AGAP3: variants seen among roughly 807,000 people sequenced by gnomAD.
AGAP3 encodes ArfGAP with GTPase domain, ankyrin repeat and PH domain 3.
Under a neutral mutation model 96.9 loss-of-function variants are expected in AGAP3, and 24 were observed. The ratio of observed to expected loss-of-function variants is 0.25; its 90% CI spans 0.18 to 0.35. AGAP3 has a LOEUF of 0.35. AGAP3 is among the 10% of genes least tolerant of loss of function. The probability of loss-of-function intolerance (pLI) is 1.00; values close to 1 mark genes in which losing one functional copy is unlikely to be tolerated. For missense variants in AGAP3, 876 were observed against 1,254.2 expected, an observed-to-expected ratio of 0.70 and a Z score of 4.55; for synonymous variants, 563 against 536.1, an observed-to-expected ratio of 1.05 and a Z score of -0.69.
rs201136006 is a variant in AGAP3 at position 151,134,390 on chromosome 7, C to T, written c.1327-10C>T. ...CCAGTCTTCATCTGTCTCTCCCACC[C>T]GGCCTGCAGGATTACATGCAGAACA... On this transcript the variant is annotated splice_polypyrimidine_tract_variant and intron_variant, in intron 10 of 17. Coordinates refer to ENST00000397238, the MANE Select transcript of AGAP3 (RefSeq NM_031946.7). The T allele has an allele frequency of 9.7e-5, 156 of 1,613,448 alleles. 1 individual carries two copies. In the East Asian group the frequency reaches 3.0e-3, roughly 31 times the overall value.
At position 151,141,801 on chromosome 7, in the gene AGAP3, C is replaced by A. The variant is rs1330985768; in HGVS notation, c.1805-97C>A. On this transcript the variant is annotated intron_variant, in intron 13 of 17. Coordinates refer to ENST00000397238, the MANE Select transcript of AGAP3 (RefSeq NM_031946.7). This position sits in a 1 kb window ranked among gnomAD's most constrained non-coding sequence, Gnocchi z 4.2. ...GGAAGGGTCTAGGGGAGGACACTTG[C>A]CAGTGGAGCAGGGTAGTGAGTGGAG... is the stretch of plus-strand genomic sequence containing the variant. The A allele has an allele frequency of 6.6e-7, 1 of 1,520,154 alleles. No individual in the cohort carries two copies. The highest frequency in any genetic ancestry group is 1.1e-5 in the South Asian group (1 of 87,410). 94.2% of individuals were successfully genotyped at this position (1,520,154 alleles called of 1,614,324 possible).
rs371828699 is a variant in AGAP3, at chr7:151,135,287, A to G, written c.1495+719A>G. 1.2e-4 allele frequency among the ~76,000 whole-genome samples: 18 copies of G among 152,192 alleles called. No individual in the cohort carries two copies. The East Asian group carries it at 3.3e-3, about 28-fold the overall frequency. ...AGTATCCCCAGTGTTGTCCTAGACC[A>G]TTGGATCTCATGTTCCCTGGGCCCA... On this transcript the variant is annotated intron_variant, in intron 11 of 17. Coordinates refer to ENST00000397238, the MANE Select transcript of AGAP3 (RefSeq NM_031946.7).
chr7:151,093,948 C>T (rs977069646), intron 1 of AGAP3, among the ~76,000 whole-genome samples: 5 of 152,172 alleles, frequency 3.3e-5, no homozygotes, highest in African/African-American at 9.7e-5. Context: ...TCTTGTCTGT[C>T]AAGTGAGCAC....
intron 7 of AGAP3, chr7:151,119,164 G>A (rs374521429): frequency 2.9e-4 from 52 of 176,778 alleles, no homozygotes; most frequent in East Asian, 1.8e-3. Flanking sequence ...CGACACCGAC[G>A]GAGTGGGGCT....
Position 151,118,206 on chromosome 7 carries a change from A to G in AGAP3, c.707-4A>G. 2 of 1,604,592 alleles carry G rather than the reference A, an allele frequency of 1.2e-6. No homozygotes were observed. The highest frequency in any genetic ancestry group is 1.7e-6 in the Non-Finnish European group (2 of 1,173,156). ...AATGACTCCCGCCCTCCCACCTCCA[A>G]CAGATGCCATCAGCGCTGCGAATCC... On this transcript the variant is annotated splice_polypyrimidine_tract_variant and splice_region_variant and intron_variant, in intron 5 of 17. Coordinates refer to ENST00000397238, the MANE Select transcript of AGAP3 (RefSeq NM_031946.7). The surrounding 1 kb of genome is among the most constrained non-coding windows in gnomAD (Gnocchi z 6.1).
At chr7:151,113,134 AG>A (rs889510791) in intron 1 of AGAP3, among the ~76,000 whole-genome samples, 44 of 152,288 alleles carry the variant, frequency 2.9e-4, no homozygotes, top group African/African-American at 1.0e-3. Context: ...GAGAGAGGGC[AG>A]ATACACGTAG....
intron 9 of AGAP3, among the ~76,000 whole-genome samples, chr7:151,125,616 C>G (rs1044881022): frequency 2.6e-5 from 4 of 151,774 alleles, no homozygotes; most frequent in Non-Finnish European, 5.9e-5. Context: ...GGGGCGCGTC[C>G]GTTCTCTTCT....
chr7:151,113,643 C>T (rs977769209), intron 1 of AGAP3, among the ~76,000 whole-genome samples: 6 of 152,232 alleles, frequency 3.9e-5, no homozygotes, highest in Admixed American at 3.9e-4. Context: ...CTTGCCACTA[C>T]TTAAACTGGT....
At position 151,142,847 on chromosome 7, in the gene AGAP3, A is replaced by G. The variant is rs1800873328; in HGVS notation, c.2273+213A>G. Among the ~76,000 whole-genome samples, 1 of 152,216 alleles carries G rather than the reference A, an allele frequency of 6.6e-6. No individual in the cohort carries two copies. Among genetic ancestry groups the G allele is most frequent in the South Asian group, 2.1e-4 (1 of 4,830 alleles). Reference sequence around the variant, plus strand: ...CGGGCCCTTTCTGAGCGTTATCAGCAGGTCAGGGGCCAGCAGGAGGCGCAT... The same window carrying G: ...CGGGCCCTTTCTGAGCGTTATCAGCGGGTCAGGGGCCAGCAGGAGGCGCAT... On this transcript the variant is annotated intron_variant, in intron 16 of 17. Transcript: ENST00000397238. This position sits in a 1 kb window ranked among gnomAD's most constrained non-coding sequence, Gnocchi z 7.5.
At position 151,143,560 on chromosome 7, in the gene AGAP3, C is replaced by T; in HGVS notation, c.2493C>T (p.Ala831=). 6.2e-7 allele frequency: 1 copy of T among 1,610,662 alleles called. No individual in the cohort carries two copies. ...DGRTALHLSS[A]MANVVFTQLL... ...GGACGGCTCTACATCTCTCCAGTGC[C>T]ATGGCCAACGTTGTCTTCACGCAGC... The change falls in exon 17 of 18, where the codon GCC becomes GCT. Residue 831 remains alanine, a synonymous_variant. Transcript: ENST00000397238. This position sits in a 1 kb window ranked among gnomAD's most constrained non-coding sequence, Gnocchi z 5.9.
Position 151,114,628 on chromosome 7 carries a change from C to T in AGAP3, c.332-2165C>T. ...TCTCCAGGTCTGGGCTTGCCGGCCG[C>T]GAGGTGGAGGAGTTGAGGGACTCGG... is the stretch of plus-strand genomic sequence containing the variant. On this transcript the variant is annotated intron_variant, in intron 1 of 17. Coordinates refer to ENST00000397238, the MANE Select transcript of AGAP3 (RefSeq NM_031946.7). The surrounding 1 kb of genome is among the most constrained non-coding windows in gnomAD (Gnocchi z 4.4). The T allele has an allele frequency of 5.0e-6, 4 of 799,716 alleles. No homozygotes were observed. The highest frequency in any genetic ancestry group is 6.1e-6 in the Non-Finnish European group (4 of 658,668). The allele number at this position is 799,716 out of a possible 1,614,324, so 49.5% of individuals were successfully genotyped here.
intron 9 of AGAP3, among the ~76,000 whole-genome samples, chr7:151,125,309 G>C (rs1199129765): frequency 6.6e-6 from 1 of 152,214 alleles, no homozygotes; most frequent in Non-Finnish European, 1.5e-5. Context: ...TGGTCGTCAG[G>C]GGCTGACTTA....
At chr7:151,138,931 C>T (rs1392536129) in intron 12 of AGAP3, among the ~76,000 whole-genome samples, 1 of 152,180 alleles carries the variant, frequency 6.6e-6, no homozygotes, top group Non-Finnish European at 1.5e-5. Flanking sequence ...CTCCCGTCTG[C>T]CCCTTCCACC....
intron 10 of AGAP3, among the ~76,000 whole-genome samples, chr7:151,129,489 G>A (rs1294990974): frequency 1.3e-5 from 2 of 152,112 alleles, no homozygotes; most frequent in Admixed American, 6.5e-5. Context: ...GAGAAAACTC[G>A]CAGAGAAGGC....
chr7:151,119,826 C>T (rs1012556390), intron 7 of AGAP3, among the ~76,000 whole-genome samples, 161 bp from the exon 8 acceptor site: 2 of 152,188 alleles, frequency 1.3e-5, no homozygotes, highest in African/African-American at 4.8e-5. Context: ...GCCTCCAGGC[C>T]AGGTGAATGT....
chr7:151,087,308 A>T, intron 1 of AGAP3: 2 of 545,752 alleles, frequency 3.7e-6, no homozygotes, highest in East Asian at 3.2e-5. Flanking sequence ...CAGGGCGCGA[A>T]GGTGGTGTCG....
Position 151,096,694 on chromosome 7 carries a change from G to A in AGAP3, c.331+9622G>A, listed in dbSNP as rs796852173. Among the ~76,000 whole-genome samples, 19 of 152,066 alleles carry A rather than the reference G, an allele frequency of 1.2e-4. No individual in the cohort carries two copies. Among genetic ancestry groups the A allele is most frequent in the African/African-American group, 4.6e-4 (19 of 41,480 alleles). On this transcript the variant is annotated intron_variant, in intron 1 of 17. Coordinates refer to ENST00000397238, the MANE Select transcript of AGAP3 (RefSeq NM_031946.7). This position sits in a 1 kb window ranked among gnomAD's most constrained non-coding sequence, Gnocchi z 4.4. ...TCACCGCGTTAGCCAAGGTAGTCTC[G>A]ATCTCCTGACCTCGTGATCCACCCG... is the stretch of plus-strand genomic sequence containing the variant.
In AGAP3 at chr7:151,142,265, G is replaced by A; in HGVS notation, c.2050+12G>A. On this transcript the variant is annotated intron_variant, in intron 15 of 17. Coordinates refer to ENST00000397238, the MANE Select transcript of AGAP3 (RefSeq NM_031946.7). The surrounding 1 kb of genome is among the most constrained non-coding windows in gnomAD (Gnocchi z 7.5). ...CTGCGATGCACCCAGTGAGTGCAAG[G>A]CTGGTGGGGCTGGGAGCTGGGGATG... 1 of 1,611,688 alleles carries A rather than the reference G, an allele frequency of 6.2e-7. No individual in the cohort carries two copies. The highest frequency in any genetic ancestry group is 1.3e-5 in the African/African-American group (1 of 75,044).
chr7:151,112,869 T>G (rs1184503099), intron 1 of AGAP3, among the ~76,000 whole-genome samples: 1 of 152,142 alleles, frequency 6.6e-6, no homozygotes, highest in Non-Finnish European at 1.5e-5. Flanking sequence ...CCCAAAGCGC[T>G]GGGATTACAG....
Sources: gnomAD v4.1 joint callset for allele counts (sites outside exome capture counted in the v4.1 genomes callset) on GRCh38, gnomAD v4.1.1 for gene constraint, Gnocchi (gnomAD v3.1) non-coding constraint, MANE v1.5 for transcripts, NCBI Gene and HGNC (gene_info 2026-07-23, HGNC 2026-07-21) for gene names.